DENND2C: variants seen among roughly 807,000 people sequenced by gnomAD.
The protein encoded by DENND2C is DENN domain-containing protein 2C.
DENND2C carries 72 observed loss-of-function variants against 112.4 expected under a neutral mutation model. The observed-to-expected ratio is 0.64, with a 90% CI of 0.53 to 0.78. The LOEUF is 0.78. DENND2C is among the 30% of genes least tolerant of loss of function. The probability of loss-of-function intolerance (pLI) is 0.00; values close to 1 mark genes in which losing one functional copy is unlikely to be tolerated. For synonymous variants in DENND2C, 329 were observed against 381.6 expected (o/e 0.86, Z 1.61); for missense variants, 992 against 1,113.8 (o/e 0.89, Z 1.56).
chr1:114,598,683 T>C (rs1655410776), intron 16 of DENND2C, among the ~76,000 whole-genome samples: 1 of 152,138 alleles, frequency 6.6e-6, no homozygotes, highest in Non-Finnish European at 1.5e-5. Context: ...AAATAAGGTT[T>C]TTTGGGTTTT....
intron 1 of DENND2C, among the ~76,000 whole-genome samples, chr1:114,661,520 G>T (rs1304285679): frequency 6.6e-6 from 1 of 152,060 alleles, no homozygotes; most frequent in East Asian, 1.9e-4. Context: ...ATTTGAAAGG[G>T]CTTATTTAAA....
intron 16 of DENND2C, among the ~76,000 whole-genome samples, chr1:114,597,888 CTCAACAGGAATCA>C (rs1655387737): frequency 6.6e-6 from 1 of 152,052 alleles, no homozygotes; most frequent in South Asian, 2.1e-4. Context: ...GATGCTCAAC[CTCAACAGGAATCA>C]AGGAATGCAA....
At chr1:114,604,799 A>G (rs1655612338) in intron 11 of DENND2C, 123 bp downstream of exon 11, 2 of 684,856 alleles carry the variant, frequency 2.9e-6, no homozygotes, top group Non-Finnish European at 5.1e-6. Context: ...CTTTCCTCCT[A>G]CCACATCCTT....
At chr1:114,598,565 G>C (rs1655404791) in intron 16 of DENND2C, among the ~76,000 whole-genome samples, 1 of 152,128 alleles carries the variant, frequency 6.6e-6, no homozygotes, top group African/African-American at 2.4e-5. Flanking sequence ...GGGTCTTCTA[G>C]GGGGCTGGCA....
intron 13 of DENND2C, among the ~76,000 whole-genome samples, 189 bp from the exon 14 acceptor site, chr1:114,601,149 A>G (rs1433678598): frequency 6.6e-6 from 1 of 152,322 alleles, no homozygotes; most frequent in South Asian, 2.1e-4. Flanking sequence ...TTATACCCTG[A>G]AGAAAAGTTA....
At position 114,654,659 on chromosome 1, in the gene DENND2C, A is replaced by G. The variant is rs1411632344; in HGVS notation, c.-471T>C. 6.6e-6 allele frequency: 1 copy of G among 152,038 alleles called. No homozygotes were observed. Among genetic ancestry groups the G allele is most frequent in the Non-Finnish European group, 1.5e-5 (1 of 68,008 alleles). 9.4% of individuals were successfully genotyped at this position (152,038 alleles called of 1,614,324 possible). On this transcript the variant is annotated 5_prime_UTR_variant, in exon 2 of 21. Coordinates refer to ENST00000393274, the MANE Select transcript of DENND2C (RefSeq NM_001256404.2). Reference sequence around the variant, plus strand: ...TCACACTATCACAATTAATTTTCATAGCACCTCTTTGGGGTACTATATAAG... The same window carrying G: ...TCACACTATCACAATTAATTTTCATGGCACCTCTTTGGGGTACTATATAAG...
intron 3 of DENND2C, among the ~76,000 whole-genome samples, chr1:114,632,585 AG>A (rs1430694635): frequency 2.0e-5 from 3 of 152,224 alleles, no homozygotes; most frequent in African/African-American, 7.2e-5. Context: ...TGTCAACAGC[AG>A]GCCTGCATTC....
chr1:114,600,488 ACTAATGC>A, intron 14 of DENND2C, 136 bp from the exon 15 acceptor site: 1 of 1,163,186 alleles, frequency 8.6e-7, no homozygotes, highest in Non-Finnish European at 1.2e-6. Flanking sequence ...AGCTTCCTAT[ACTAATGC>A]CAGGACCCAA....
Position 114,587,703 on chromosome 1 carries a change from T to C in DENND2C, c.2668+13A>G. ...CACTAAATAGAGAGGGAGAACTTTA[T>C]AATGAAACTGACCTTTAACTCCACT... On this transcript the variant is annotated intron_variant, in intron 19 of 20. Transcript: ENST00000393274. 1.9e-6 allele frequency: 3 copies of C among 1,593,778 alleles called. No individual in the cohort carries two copies. Among genetic ancestry groups the C allele is most frequent in the Non-Finnish European group, 2.6e-6 (3 of 1,168,596 alleles).
chr1:114,590,355 C>T (rs1457132001), intron 18 of DENND2C, among the ~76,000 whole-genome samples: 1 of 152,170 alleles, frequency 6.6e-6, no homozygotes, highest in Non-Finnish European at 1.5e-5. Context: ...ACAACACTTG[C>T]ACTCCAGCCT....
chr1:114,613,022 T>C (rs80293377), intron 8 of DENND2C, among the ~76,000 whole-genome samples: 7,894 of 152,298 alleles, frequency 0.052, 231 homozygotes, highest in South Asian at 0.085. Flanking sequence ...TCTACAAAAA[T>C]AGTCTTATAT....
At chr1:114,607,948 G>A (rs1209800405) in intron 10 of DENND2C, among the ~76,000 whole-genome samples, 2 of 152,070 alleles carry the variant, frequency 1.3e-5, no homozygotes, top group African/African-American at 4.8e-5. Flanking sequence ...GACTCAGAGG[G>A]GTAGATACTA....
At chr1:114,634,046 G>A (rs1335849027) in intron 3 of DENND2C, among the ~76,000 whole-genome samples, 2 of 152,190 alleles carry the variant, frequency 1.3e-5, no homozygotes, top group Non-Finnish European at 2.9e-5. Context: ...ACATTACAAA[G>A]AAGGTAATAG....
chr1:114,630,503 G>GA (rs2101671782), intron 3 of DENND2C, among the ~76,000 whole-genome samples: 1 of 152,014 alleles, frequency 6.6e-6, no homozygotes, highest in South Asian at 2.1e-4. Flanking sequence ...AAGAAGAGAG[G>GA]AAAATGAGGC....
intron 2 of DENND2C, among the ~76,000 whole-genome samples, chr1:114,646,615 A>G (rs560034677): frequency 8.6e-5 from 13 of 152,042 alleles, no homozygotes; most frequent in Non-Finnish European, 1.8e-4. Context: ...GGGAATGTCT[A>G]CTCTTCCCTT....
chr1:114,661,163 A>T (rs1657482415), intron 1 of DENND2C, among the ~76,000 whole-genome samples: 1 of 152,024 alleles, frequency 6.6e-6, no homozygotes. Context: ...CACTACCTAA[A>T]AGCACAGTAC....
intron 3 of DENND2C, among the ~76,000 whole-genome samples, chr1:114,626,541 C>T (rs1379335831): frequency 1.7e-4 from 22 of 129,424 alleles, no homozygotes; most frequent in Admixed American, 4.5e-4. Context: ...GACAGAGTCT[C>T]GCTCTGTCAC....
chr1:114,669,167 T>C (rs1035356705), intron 1 of DENND2C, among the ~76,000 whole-genome samples: 3 of 152,254 alleles, frequency 2.0e-5, no homozygotes, highest in Admixed American at 6.5e-5. Context: ...AAGTGCCTAC[T>C]ATGTACCAGG....
chr1:114,613,670 A>C (rs1655883212), intron 8 of DENND2C, among the ~76,000 whole-genome samples: 1 of 152,088 alleles, frequency 6.6e-6, no homozygotes, highest in Admixed American at 6.6e-5. Context: ...AAAGGGAGAA[A>C]AGGCAATATA....
Sources: allele counts gnomAD v4.1 joint callset (sites outside exome capture counted in the v4.1 genomes callset), GRCh38; gene constraint gnomAD v4.1.1; transcripts MANE v1.5; gene names NCBI Gene and HGNC (gene_info 2026-07-23, HGNC 2026-07-21).